Variants in SP110 observed in about 807,000 individuals in gnomAD.
SP110 encodes SP110 nuclear body protein.
Under a neutral mutation model 92.7 loss-of-function variants are expected in SP110, and 62 were observed. That is an observed-to-expected ratio of 0.67 (90% CI 0.55 to 0.83). The LOEUF is 0.83. Ranked by LOEUF, SP110 falls within the 40% of genes least tolerant of loss-of-function variation. The pLI, the probability that SP110 is intolerant of heterozygous loss-of-function variation, is 0.00. For missense variants in SP110, 793 were observed against 863.9 expected (o/e 0.92, Z 1.03); for synonymous variants, 273 against 305.3 (o/e 0.89, Z 1.10).
At chr2:230,199,672 A>G (rs1273841241) in intron 10 of SP110, among the ~76,000 whole-genome samples, 2 of 152,202 alleles carry the variant, frequency 1.3e-5, no homozygotes, top group African/African-American at 2.4e-5. Context: ...GGTAACATCA[A>G]TCCACACCAC....
At position 230,168,942 on chromosome 2, in the gene SP110, T is replaced by A; in HGVS notation, c.*182A>T. 2 of 580,906 alleles carry A rather than the reference T, an allele frequency of 3.4e-6. No homozygotes were observed. The highest frequency in any genetic ancestry group is 6.2e-6 in the Non-Finnish European group (2 of 323,468). The allele number at this position is 580,906 out of a possible 1,614,324, so 36.0% of individuals were successfully genotyped here. On this transcript the variant is annotated 3_prime_UTR_variant, in exon 19 of 19. Transcript: ENST00000258381. ...ATTTTTTTTTTTTTTAGTGTAGATA[T>A]AGACTTTTAAAGGTAAAAAGAAAGA...
At chr2:230,224,991 G>A (rs1230028407) in intron 1 of SP110, among the ~76,000 whole-genome samples, 2 of 152,166 alleles carry the variant, frequency 1.3e-5, no homozygotes, top group African/African-American at 2.4e-5. Context: ...TGAGGGCTGG[G>A]TATAAATGAA....
At position 230,168,806 on chromosome 2, in the gene SP110, G is replaced by A. The variant is rs2078353870; in HGVS notation, c.*318C>T. ...GGGACAGGAGAGCCAAATGCAGTGT[G>A]TGGAACTTGTTTAGATCCTGATTTG... On this transcript the variant is annotated 3_prime_UTR_variant, in exon 19 of 19. Transcript: ENST00000258381. The A allele has an allele frequency of 3.6e-6, 1 of 281,432 alleles. No individual in the cohort carries two copies. Among genetic ancestry groups the A allele is most frequent in the South Asian group, 4.1e-5 (1 of 24,388 alleles). 17.4% of individuals were successfully genotyped at this position (281,432 alleles called of 1,614,324 possible). A position where few individuals can be genotyped will look rare whatever the true frequency, so the allele number is the denominator to read the frequency against.
intron 14 of SP110, chr2:230,176,609 G>C: frequency 6.2e-7 from 1 of 1,613,558 alleles, no homozygotes; most frequent in Non-Finnish European, 8.5e-7. Context: ...AAGCTCTAAG[G>C]TGAGCCTCCA....
intron 14 of SP110, chr2:230,176,733 C>A (rs2041878149): frequency 1.2e-6 from 2 of 1,614,064 alleles, no homozygotes; most frequent in East Asian, 4.5e-5. Context: ...CTCTGAAAGA[C>A]AGAAGGAGTC....
chr2:230,214,587 T>G (rs2044887359), intron 3 of SP110, among the ~76,000 whole-genome samples: 1 of 152,242 alleles, frequency 6.6e-6, no homozygotes, highest in Admixed American at 6.5e-5. Context: ...TCCGTCCACA[T>G]TCATTTTTTC....
chr2:230,186,212 G>T, intron 10 of SP110, 69 bp from the exon 11 acceptor site: 1 of 1,470,326 alleles, frequency 6.8e-7, no homozygotes, highest in Non-Finnish European at 9.5e-7. Context: ...TACCCTTTCA[G>T]GAGTTATCTT....
At chr2:230,217,052 C>T in intron 1 of SP110, 124 bp from the exon 2 acceptor site, 1 of 714,400 alleles carries the variant, frequency 1.4e-6, no homozygotes, top group Admixed American at 2.2e-5. Flanking sequence ...TTGAGACCAT[C>T]CTGGCCAACA....
intron 14 of SP110, chr2:230,176,397 G>C (rs2041861139): frequency 2.4e-6 from 3 of 1,253,910 alleles, no homozygotes; most frequent in Non-Finnish European, 3.1e-6. Context: ...CCTAGGCTTA[G>C]AGCATTTTAT....
rs144163010 is a variant in SP110, at chr2:230,202,596, C to T, written c.1031G>A (p.Arg344Gln). 65 of 1,614,066 alleles carry T rather than the reference C, an allele frequency of 4.0e-5. 1 individual carries two copies. Among genetic ancestry groups the T allele is most frequent in the South Asian group, 3.3e-4 (30 of 91,092 alleles). ...RAQKARTECARKSRSEEIIDG... is the reference protein window; with the variant it reads ...RAQKARTECAQKSRSEEIIDG... ...AGCCTTACCCTCTGATCTCGACTTTCGGGCACATTCAGTTCTCGCCTTTTG... is the reference window on the plus strand; with the variant it reads ...AGCCTTACCCTCTGATCTCGACTTTTGGGCACATTCAGTTCTCGCCTTTTG... Residue 344 changes from arginine (R) to glutamine (Q), a missense_variant, in exon 9 of 19, where the codon CGA (arginine) becomes CAA (glutamine). Coordinates refer to ENST00000258381, the MANE Select transcript of SP110 (RefSeq NM_080424.4).
At chr2:230,175,995 G>A (rs2041843038) in intron 14 of SP110, among the ~76,000 whole-genome samples, 1 of 143,072 alleles carries the variant, frequency 7.0e-6, no homozygotes, top group Non-Finnish European at 1.5e-5. Context: ...CCCAGCTGGA[G>A]TGCAGTGGCA....
chr2:230,210,026 A>G lies in SP110; in HGVS notation c.752-18T>C. The G allele has an allele frequency of 2.1e-6, 3 of 1,460,564 alleles. No homozygotes were observed. The highest frequency in any genetic ancestry group is 2.9e-6 in the Non-Finnish European group (3 of 1,040,088). The allele number at this position is 1,460,564 out of a possible 1,614,324, so 90.5% of individuals were successfully genotyped here. On this transcript the variant is annotated intron_variant, in intron 6 of 18. Transcript: ENST00000258381. ...TCTTATCTCTGACAAAAGAAATATA[A>G]GTCATTTCAGAGCTCAGATCCAGTG...
At chr2:230,177,306 T>C (rs943848963) in intron 14 of SP110, 26 of 564,616 alleles carry the variant, frequency 4.6e-5, no homozygotes, top group Non-Finnish European at 7.6e-5. Context: ...CAAAGCCCTT[T>C]GCCGGCATTT....
At chr2:230,206,595 T>TCATATATATATA (rs2043840701) in intron 8 of SP110, among the ~76,000 whole-genome samples, 1 of 70,508 alleles carries the variant, frequency 1.4e-5, no homozygotes, top group African/African-American at 4.8e-5. Context: ...GGTCCAGATT[T>TCATATATATATA]TATATATATA....
chr2:230,212,722 C>T (rs532806600), intron 4 of SP110, 39 bp downstream of exon 4: 1 of 1,612,674 alleles, frequency 6.2e-7, no homozygotes, highest in African/African-American at 1.3e-5. Context: ...GCACCTTAGG[C>T]TGAGGATATA....
chr2:230,191,172 C>A (rs1212217998), intron 10 of SP110, among the ~76,000 whole-genome samples: 3 of 152,032 alleles, frequency 2.0e-5, no homozygotes. Context: ...GCACTAAATG[C>A]CCACATCAGG....
chr2:230,167,915 G>C lies in SP110; in HGVS notation c.*1209C>G, dbSNP rs2078334404. The stretch of plus-strand genomic sequence containing the variant: ...GCTAATACACCATCAAAGAGTTCTG[G>C]GGTCATTTCAAAACAACTCAGGAGG... On this transcript the variant is annotated 3_prime_UTR_variant, in exon 19 of 19. Coordinates refer to ENST00000258381, the MANE Select transcript of SP110 (RefSeq NM_080424.4). The C allele has an allele frequency of 6.6e-6, 1 of 151,940 alleles. No individual in the cohort carries two copies. The allele number at this position is 151,940 out of a possible 1,614,324, so 9.4% of individuals were successfully genotyped here.
intron 11 of SP110, among the ~76,000 whole-genome samples, chr2:230,185,664 A>T (rs781549657): frequency 1.3e-5 from 2 of 152,230 alleles, no homozygotes; most frequent in Non-Finnish European, 1.5e-5. Flanking sequence ...GATTGGTGCC[A>T]CTTCCAAGAC....
At chr2:230,192,812 T>C (rs561147271) in intron 10 of SP110, among the ~76,000 whole-genome samples, 1 of 152,342 alleles carries the variant, frequency 6.6e-6, no homozygotes, top group East Asian at 1.9e-4. Flanking sequence ...TCTTGGAGAA[T>C]GTTCCATGTG....
Sources: gnomAD v4.1 joint callset for allele counts (sites outside exome capture counted in the v4.1 genomes callset) on GRCh38, gnomAD v4.1.1 for gene constraint, MANE v1.5 for transcripts, NCBI Gene and HGNC (gene_info 2026-07-23, HGNC 2026-07-21) for gene names.